TSPAN9: variants seen among roughly 807,000 people sequenced by gnomAD.
TSPAN9 encodes the protein tetraspanin 9, also known as tetraspanin-9.
In TSPAN9, 16 loss-of-function variants were observed where a neutral mutation model predicts 31.0. That is an observed-to-expected ratio of 0.52 (90% confidence interval 0.35 to 0.78). TSPAN9 has a LOEUF of 0.78. TSPAN9 is among the 30% of genes least tolerant of loss of function. The probability of loss-of-function intolerance (pLI) is 0.01; values close to 1 mark genes in which losing one functional copy is unlikely to be tolerated. For missense variants in TSPAN9, 272 were observed against 312.5 expected (o/e 0.87, Z 0.98); for synonymous variants, 145 against 121.6 (o/e 1.19, Z -1.27).
chr12:3,252,647 C>T (rs1299207509), intron 3 of TSPAN9, among the ~76,000 whole-genome samples: 1 of 152,240 alleles, frequency 6.6e-6, no homozygotes, highest in Admixed American at 6.5e-5. Context: ...TTTGGGAAGC[C>T]TTCCCTGGTC....
chr12:3,119,073 C>T (rs376497345), intron 2 of TSPAN9, among the ~76,000 whole-genome samples: 14 of 152,116 alleles, frequency 9.2e-5, no homozygotes, highest in African/African-American at 2.7e-4. Context: ...CCCCCGACAG[C>T]GAAGGTAGGG....
Position 3,222,300 on chromosome 12 carries a change from C to T in TSPAN9, c.63+21044C>T, listed in dbSNP as rs553329806. Among the ~76,000 whole-genome samples the T allele has an allele frequency of 1.6e-4, 24 of 152,328 alleles. No homozygotes were observed. In the East Asian group the frequency reaches 4.6e-3, roughly 29 times the overall value. On this transcript the variant is annotated intron_variant, in intron 3 of 8. Transcript: ENST00000011898. ...GCCCTGGCTCCGTCACAGATGAGGC[C>T]TGGTTGGTCTTGGGTCCATAACTTG...
chr12:3,164,696 G>A (rs2098347353), intron 2 of TSPAN9, among the ~76,000 whole-genome samples: 1 of 152,142 alleles, frequency 6.6e-6, no homozygotes, highest in South Asian at 2.1e-4. Flanking sequence ...GCTGCAGGTG[G>A]ATATTGCTAC....
intron 3 of TSPAN9, among the ~76,000 whole-genome samples, chr12:3,276,605 T>G (rs1862794436): frequency 6.6e-6 from 1 of 152,220 alleles, no homozygotes; most frequent in South Asian, 2.1e-4. Flanking sequence ...CCAAGACACC[T>G]TCGCTGCCCA....
chr12:3,095,445 G>A (rs1218293737), intron 2 of TSPAN9, among the ~76,000 whole-genome samples: 5 of 146,362 alleles, frequency 3.4e-5, no homozygotes, highest in African/African-American at 7.8e-5. Context: ...CAGTAGGGGC[G>A]GCCGGGCAGA....
Position 3,283,118 on chromosome 12 carries a change from C to T in TSPAN9, c.*2C>T, listed in dbSNP as rs1451952820. On this transcript the variant is annotated 3_prime_UTR_variant, in exon 9 of 9. Coordinates refer to ENST00000011898, the MANE Select transcript of TSPAN9 (RefSeq NM_006675.5). ...ACTGGTAAGAAGTACGACGCATGAG[C>T]GGGCTGGCCGGGAGTGCCCACCCCG... 5 of 1,607,542 alleles carry T rather than the reference C, an allele frequency of 3.1e-6. No homozygotes were observed. Among genetic ancestry groups the T allele is most frequent in the Non-Finnish European group, 2.5e-6 (3 of 1,179,904 alleles).
intron 2 of TSPAN9, among the ~76,000 whole-genome samples, chr12:3,180,961 T>C (rs547883328): frequency 6.0e-5 from 9 of 151,106 alleles, no homozygotes; most frequent in African/African-American, 2.2e-4. Context: ...ACGGCTCAGA[T>C]GTAGGAGTTC....
intron 3 of TSPAN9, among the ~76,000 whole-genome samples, chr12:3,270,374 C>A (rs1862651314): frequency 6.6e-6 from 1 of 152,178 alleles, no homozygotes; most frequent in Non-Finnish European, 1.5e-5. Flanking sequence ...ATGCCCCCAT[C>A]CCTCCCCTTC....
intron 3 of TSPAN9, among the ~76,000 whole-genome samples, chr12:3,267,169 A>G (rs1408781405): frequency 6.6e-6 from 1 of 152,194 alleles, no homozygotes; most frequent in African/African-American, 2.4e-5. Flanking sequence ...CCCCTTCGCC[A>G]TCCTGAAGAA....
chr12:3,206,162 A>C (rs2098375055), intron 3 of TSPAN9: 1 of 390,820 alleles, frequency 2.6e-6, no homozygotes, highest in Non-Finnish European at 5.3e-6. Context: ...CCCTTGGCTG[A>C]ACTTGGTGGC....
At chr12:3,112,942 T>C (rs192016326) in intron 2 of TSPAN9, among the ~76,000 whole-genome samples, 1 of 152,244 alleles carries the variant, frequency 6.6e-6, no homozygotes, top group East Asian at 1.9e-4. Context: ...GGCCTCCTAC[T>C]CCTAAAGTGT....
intron 3 of TSPAN9, among the ~76,000 whole-genome samples, chr12:3,253,300 T>C (rs1217648910): frequency 6.6e-6 from 1 of 152,230 alleles, no homozygotes; most frequent in Admixed American, 6.5e-5. Flanking sequence ...GCCTGCCGGC[T>C]CAGTGAACAA....
At chr12:3,256,555 GGCCCGGC>G (rs1862349621) in intron 3 of TSPAN9, among the ~76,000 whole-genome samples, 1 of 152,210 alleles carries the variant, frequency 6.6e-6, no homozygotes, top group African/African-American at 2.4e-5. Flanking sequence ...TTTCGGGAGC[GGCCCGGC>G]TAGGGCTGGG....
intron 2 of TSPAN9, among the ~76,000 whole-genome samples, chr12:3,106,459 G>C (rs1223519850): frequency 1.3e-5 from 2 of 152,222 alleles, no homozygotes; most frequent in Non-Finnish European, 2.9e-5. Context: ...GTGGTGGGAA[G>C]TGGAGGAGGT....
intron 3 of TSPAN9, among the ~76,000 whole-genome samples, chr12:3,214,851 C>T (rs1565616889): frequency 6.6e-6 from 1 of 152,080 alleles, no homozygotes; most frequent in Non-Finnish European, 1.5e-5. Flanking sequence ...CTCCCTCCAG[C>T]GATCGTCATT....
At chr12:3,270,191 T>C (rs1236068540) in intron 3 of TSPAN9, among the ~76,000 whole-genome samples, 1 of 152,118 alleles carries the variant, frequency 6.6e-6, no homozygotes, top group Non-Finnish European at 1.5e-5. Flanking sequence ...GTGGGTCAGT[T>C]TGAGAAGTAG....
At chr12:3,114,919 A>G (rs2098321414) in intron 2 of TSPAN9, among the ~76,000 whole-genome samples, 1 of 151,764 alleles carries the variant, frequency 6.6e-6, no homozygotes, top group Non-Finnish European at 1.5e-5. Flanking sequence ...TTTTATTGAG[A>G]TGTTACTCAC....
rs1053764982 is a variant in TSPAN9 at position 3,256,201 on chromosome 12, G to A, written c.64-22220G>A. Among the ~76,000 whole-genome samples, 8 of 152,354 alleles carry A rather than the reference G, an allele frequency of 5.3e-5. No individual in the cohort carries two copies. In the South Asian group the frequency reaches 1.0e-3, roughly 20 times the overall value. On this transcript the variant is annotated intron_variant, in intron 3 of 8. Transcript: ENST00000011898. ...GAGAGCTGTGGGGGCGGGGTCCCGA[G>A]GCCCAGTGGTGAGCTGGTGAGAGAG... is the stretch of plus-strand genomic sequence containing the variant.
At position 3,201,631 on chromosome 12, in the gene TSPAN9, A is replaced by C. The variant is rs866380383; in HGVS notation, c.63+375A>C. 3.3e-5 allele frequency among the ~76,000 whole-genome samples: 5 copies of C among 152,332 alleles called. No individual in the cohort carries two copies. In the Middle Eastern group the frequency reaches 0.014, roughly 415 times the overall value. On this transcript the variant is annotated intron_variant, in intron 3 of 8. Coordinates refer to ENST00000011898, the MANE Select transcript of TSPAN9 (RefSeq NM_006675.5). ...TGTAACAGCTGTGAGCCTGAGTTGGAGATAGGCACAAGTGAGGATGTATTT... is the reference window on the plus strand; with the variant it reads ...TGTAACAGCTGTGAGCCTGAGTTGGCGATAGGCACAAGTGAGGATGTATTT...
Sources: allele counts gnomAD v4.1 joint callset (sites outside exome capture counted in the v4.1 genomes callset), GRCh38; gene constraint gnomAD v4.1.1; transcripts MANE v1.5; gene names NCBI Gene and HGNC (gene_info 2026-07-23, HGNC 2026-07-21).